UBR4: variants seen among roughly 807,000 people sequenced by gnomAD.
UBR4 encodes ubiquitin protein ligase E3 component n-recognin 4.
In UBR4, 124 loss-of-function variants were observed where a neutral mutation model predicts 575.6. The ratio of observed to expected loss-of-function variants is 0.22; its 90% CI spans 0.19 to 0.25. The LOEUF is 0.25. UBR4 is among the 10% of genes least tolerant of loss of function. UBR4 has a pLI of 1.00. For synonymous variants in UBR4, 2,455 were observed against 2,473.7 expected (o/e 0.99, Z 0.22); for missense variants, 4,818 against 6,478.8 (o/e 0.74, Z 8.80).
chr1:19,199,225 G>C (rs1461533478), intron 3 of UBR4, among the ~76,000 whole-genome samples: 2 of 152,198 alleles, frequency 1.3e-5, no homozygotes, highest in African/African-American at 4.8e-5. Context: ...CTGCATGGCA[G>C]TAATAACCCA....
intron 51 of UBR4, 68 bp from the exon 52 acceptor site, chr1:19,147,068 G>C: frequency 4.0e-6 from 6 of 1,484,386 alleles, no homozygotes; most frequent in Non-Finnish European, 5.4e-6. Context: ...AAAGAGGAGA[G>C]AAAAGCTGGC....
chr1:19,105,549 C>A (rs2079092819), intron 84 of UBR4, among the ~76,000 whole-genome samples, 184 bp downstream of exon 84: 1 of 152,312 alleles, frequency 6.6e-6, no homozygotes, highest in African/African-American at 2.4e-5. Context: ...GCTGCTAACA[C>A]CCTCACCACA....
In UBR4 at chr1:19,145,991, T is replaced by G. The variant is rs562790335; in HGVS notation, c.7805-58A>C. Reference sequence around the variant, plus strand: ...TAAATCTGAGATGGAATTTAATTTGTTTTAAGGTTAACTCAGGTCAAGGAA... The same window carrying G: ...TAAATCTGAGATGGAATTTAATTTGGTTTAAGGTTAACTCAGGTCAAGGAA... On this transcript the variant is annotated intron_variant, in intron 52 of 105. Transcript: ENST00000375254. 10 of 1,613,146 alleles carry G rather than the reference T, an allele frequency of 6.2e-6. No individual in the cohort carries two copies. In the East Asian group the frequency reaches 2.2e-4, roughly 36 times the overall value.
Position 19,164,878 on chromosome 1 carries a change from C to G in UBR4, c.4432G>C (p.Asp1478His). 1 of 1,614,168 alleles carries G rather than the reference C, an allele frequency of 6.2e-7. No individual in the cohort carries two copies. Among genetic ancestry groups the G allele is most frequent in the South Asian group, 1.1e-5 (1 of 91,080 alleles). Residue 1478 changes from aspartate to histidine, a missense_variant, in exon 32 of 106, where the codon GAT becomes CAT. Physicochemically the swap from Asp to His is moderately conservative, Grantham distance 81. Transcript: ENST00000375254. ...LTRMTTSPPK[D>H]SDQLDVIQEN... is the part of the protein sequence containing the mutation. ...TGAATTACATCCAGCTGATCAGAAT[C>G]TTTTGGGGGCGATGTAGTCATGCGG...
chr1:19,096,001 G>C (rs79941029), intron 92 of UBR4: 2,984 of 245,742 alleles, frequency 0.012, 97 homozygotes, highest in African/African-American at 0.064. Context: ...CAAAGCTCGT[G>C]GCCTGTGAGA....
At position 19,153,638 on chromosome 1, in the gene UBR4, C is replaced by A; in HGVS notation, c.6630+130G>T. Reference sequence around the variant, plus strand: ...CAGAAGGGTGGCAAAGAAAAGGCATCTAGAAGAAAAAGGACTGAAAATCTT... The same window carrying A: ...CAGAAGGGTGGCAAAGAAAAGGCATATAGAAGAAAAAGGACTGAAAATCTT... On this transcript the variant is annotated intron_variant, in intron 45 of 105. Coordinates refer to ENST00000375254, the MANE Select transcript of UBR4 (RefSeq NM_020765.3). This position sits in a 1 kb window ranked among gnomAD's most constrained non-coding sequence, Gnocchi z 4.1. 1 of 1,471,654 alleles carries A rather than the reference C, an allele frequency of 6.8e-7. No individual in the cohort carries two copies. The allele number at this position is 1,471,654 out of a possible 1,614,324, so 91.2% of individuals were successfully genotyped here.
intron 7 of UBR4, 52 bp from the exon 8 acceptor site, chr1:19,197,317 A>G (rs201020825): frequency 2.8e-5 from 45 of 1,610,786 alleles, no homozygotes; most frequent in Admixed American, 1.5e-4. Flanking sequence ...TCACTTCTAT[A>G]ATGTGACAGT....
At chr1:19,118,736 A>T (rs1241439904) in intron 71 of UBR4, 136 bp downstream of exon 71, 2 of 793,872 alleles carry the variant, frequency 2.5e-6, no homozygotes, top group Non-Finnish European at 2.1e-6. Context: ...CATGGAGGGG[A>T]TTGGAATCTC....
chr1:19,183,867 G>A lies in UBR4; in HGVS notation c.2128C>T (p.Leu710Phe). ...GSSDEEFAAALYHFNHSLVTS... is the reference protein window; with the variant it reads ...GSSDEEFAAAFYHFNHSLVTS... ...ACCAGTGAGTGGTTGAAGTGATAGA[G>A]AGCTGCAGCAAACTCTTCATCTGAT... Residue 710 changes from leucine to phenylalanine, a missense_variant, in exon 17 of 106, where the codon CTC becomes TTC. Leu to Phe is a conservative substitution (Grantham distance 22). Coordinates refer to ENST00000375254, the MANE Select transcript of UBR4 (RefSeq NM_020765.3). 6.2e-7 allele frequency: 1 copy of A among 1,614,164 alleles called. No individual in the cohort carries two copies. The highest frequency in any genetic ancestry group is 1.3e-5 in the African/African-American group (1 of 75,048).
At position 19,144,053 on chromosome 1, in the gene UBR4, A is replaced by C; in HGVS notation, c.8106T>G (p.Ile2702Met). 6.2e-7 allele frequency: 1 copy of C among 1,614,048 alleles called. No individual in the cohort carries two copies. The highest frequency in any genetic ancestry group is 8.5e-7 in the Non-Finnish European group (1 of 1,179,934). The change falls in exon 55 of 106, where the codon ATT (isoleucine) becomes ATG (methionine). Residue 2702 changes from isoleucine to methionine, a missense_variant. Ile to Met is a conservative substitution (Grantham distance 10). Transcript: ENST00000375254. ...GTTTGTTCCTGGGCCTTAGGACTCG[A>C]ATTAGAGCTTGTTTACAAGAGAAGC... ...AVSFSCKQAL[I>M]RVLRPRNKRR...
chr1:19,094,983 C>G lies in UBR4; in HGVS notation c.13669G>C (p.Ala4557Pro). The change falls in exon 94 of 106, where the codon GCT (alanine) becomes CCT (proline). Residue 4557 changes from alanine (A) to proline (P), a missense_variant. Physicochemically the swap from Ala to Pro is conservative, Grantham distance 27. Around this residue, in one of 29 missense-constraint regions of UBR4, gnomAD observed 165 missense variants for 282.3 expected, o/e 0.58. Transcript: ENST00000375254. ...ATGCTAAGCACCTGCTCAGCCACAG[C>G]TGCACCCCCACTGTCCTTGCTTTCT... ...EQESKDSGGA[A>P]VAEQVLSIME... 6.2e-7 allele frequency: 1 copy of G among 1,614,208 alleles called. No individual in the cohort carries two copies. Among genetic ancestry groups the G allele is most frequent in the Non-Finnish European group, 8.5e-7 (1 of 1,180,032 alleles).
Position 19,146,928 on chromosome 1 carries a change from C to G in UBR4, c.7702G>C (p.Glu2568Gln), listed in dbSNP as rs780146247. 1 of 1,614,112 alleles carries G rather than the reference C, an allele frequency of 6.2e-7. No homozygotes were observed. Among genetic ancestry groups the G allele is most frequent in the African/African-American group, 1.3e-5 (1 of 75,066 alleles). ...GTGATCACTAGCCTCTGGAACACCTCAGGGTCCAAATCCTTGCCCTCTTTG... is the reference window on the plus strand; with the variant it reads ...GTGATCACTAGCCTCTGGAACACCTGAGGGTCCAAATCCTTGCCCTCTTTG... Reference protein sequence around the residue: ...SSKEGKDLDPEVFQRLVITAR... With the variant: ...SSKEGKDLDPQVFQRLVITAR... Residue 2568 changes from glutamate to glutamine, a missense_variant, in exon 52 of 106, where the codon GAG becomes CAG. Transcript: ENST00000375254.
chr1:19,081,361 C>G lies in UBR4; in HGVS notation c.15221G>C (p.Gly5074Ala). ...AGCAGGTACTGACCTGGTGGCTCCA[C>G]CTGGAGCCACTGCCCGAGCCTGCGA... ...VTSQARAVAP[G>A]GATRLTDKAV... The change falls in exon 103 of 106, where the codon GGT (glycine) becomes GCT (alanine). Residue 5074 changes from glycine to alanine, a missense_variant. Around this residue, in one of 29 missense-constraint regions of UBR4, gnomAD observed 212 missense variants for 221.3 expected, o/e 0.96. Transcript: ENST00000375254. 5.6e-6 allele frequency: 9 copies of G among 1,601,710 alleles called. No homozygotes were observed. Among genetic ancestry groups the G allele is most frequent in the Non-Finnish European group, 7.7e-6 (9 of 1,173,796 alleles).
intron 39 of UBR4, among the ~76,000 whole-genome samples, chr1:19,159,107 C>G (rs948235844): frequency 6.6e-6 from 1 of 152,174 alleles, no homozygotes; most frequent in African/African-American, 2.4e-5. Context: ...GATCATGCCA[C>G]TGCACTCCAG....
chr1:19,143,839 G>T, intron 55 of UBR4, 141 bp downstream of exon 55: 1 of 612,516 alleles, frequency 1.6e-6, no homozygotes, highest in Non-Finnish European at 2.8e-6. Flanking sequence ...TTTATGGGGT[G>T]AGGTAGGATT....
chr1:19,129,233 T>TA (rs1397415326), intron 60 of UBR4, among the ~76,000 whole-genome samples, 159 bp from the exon 61 acceptor site: 2 of 151,624 alleles, frequency 1.3e-5, no homozygotes, highest in African/African-American at 4.8e-5. Context: ...AAGAACTGCC[T>TA]AATCGGTATG....
Position 19,155,955 on chromosome 1 carries a change from G to A in UBR4, c.6073-287C>T, listed in dbSNP as rs1231013376. ...GTAGAACCAGAATCAATTCCCTATTGCCTAAAGACAGAAAGCTCCTACTCA... is the reference window on the plus strand; with the variant it reads ...GTAGAACCAGAATCAATTCCCTATTACCTAAAGACAGAAAGCTCCTACTCA... On this transcript the variant is annotated intron_variant, in intron 42 of 105. Coordinates refer to ENST00000375254, the MANE Select transcript of UBR4 (RefSeq NM_020765.3). 3.3e-5 allele frequency among the ~76,000 whole-genome samples: 5 copies of A among 152,170 alleles called. No individual in the cohort carries two copies. In the East Asian group the frequency reaches 9.6e-4, roughly 29 times the overall value.
chr1:19,174,881 TC>T (rs975021445), intron 21 of UBR4, 72 bp downstream of exon 21: 1 of 1,396,096 alleles, frequency 7.2e-7, no homozygotes, highest in South Asian at 1.2e-5. Context: ...TCATTCCCTT[TC>T]CCCCCAGTAG....
At chr1:19,173,657 G>T (rs1207941270) in intron 22 of UBR4, 36 bp from the exon 23 acceptor site, 1 of 1,601,928 alleles carries the variant, frequency 6.2e-7, no homozygotes, top group East Asian at 2.2e-5. Context: ...GGTAGCACTT[G>T]GTATGGCCTC....
Sources: gnomAD v4.1 joint callset for allele counts (sites outside exome capture counted in the v4.1 genomes callset) on GRCh38, gnomAD v4.1.1 for gene constraint, gnomAD v4.1.1 regional missense constraint, Gnocchi (gnomAD v3.1) non-coding constraint, MANE v1.5 for transcripts, NCBI Gene and HGNC (gene_info 2026-07-23, HGNC 2026-07-21) for gene names.